CSMD1: variants seen among roughly 807,000 people sequenced by gnomAD.
CSMD1 encodes CUB and sushi domain-containing protein 1.
CSMD1 carries 213 observed loss-of-function variants against 417.5 expected under a neutral mutation model. The ratio of observed to expected loss-of-function variants is 0.51; its 90% CI spans 0.46 to 0.57. The LOEUF (loss-of-function observed/expected upper bound fraction) is 0.57. CSMD1 is among the 20% of genes least tolerant of loss of function. The probability of loss-of-function intolerance (pLI) is 0.00; values close to 1 mark genes in which losing one functional copy is unlikely to be tolerated. For missense variants in CSMD1, 6,923 were observed against 4,529.7 expected, an observed-to-expected ratio of 1.53 and a Z score of -15.17; for synonymous variants, 2,862 against 1,736.8, an observed-to-expected ratio of 1.65 and a Z score of -16.11.
chr8:3,774,348 T>C (rs527723937), intron 5 of CSMD1, among the ~76,000 whole-genome samples: 68 of 152,280 alleles, frequency 4.5e-4, no homozygotes, highest in Admixed American at 2.0e-3. Context: ...TGTTATCATA[T>C]GGCGGTTGTT....
intron 1 of CSMD1, among the ~76,000 whole-genome samples, chr8:4,950,796 A>G (rs1467240516): frequency 2.0e-5 from 3 of 152,140 alleles, no homozygotes; most frequent in Non-Finnish European, 4.4e-5. Flanking sequence ...GACCGTAAGC[A>G]TCACCACTCA....
chr8:4,453,871 G>A (rs1465745218), intron 2 of CSMD1, among the ~76,000 whole-genome samples: 1 of 131,234 alleles, frequency 7.6e-6, no homozygotes, highest in Non-Finnish European at 1.6e-5. Flanking sequence ...ACCCACGCTG[G>A]AGTGCACTGG....
At position 4,042,713 on chromosome 8, in the gene CSMD1, G is replaced by T. The variant is rs1343672958; in HGVS notation, c.416-10614C>A. 2.0e-5 allele frequency among the ~76,000 whole-genome samples: 3 copies of T among 149,180 alleles called. No homozygotes were observed. The Admixed American group carries it at 2.0e-4, about 10-fold the overall frequency. ...ATATTTTAGGTTTCTAACATATGTA[G>T]AAGTGACAGAAATGACAGCAATACC... On this transcript the variant is annotated intron_variant, in intron 3 of 69. Coordinates refer to ENST00000635120, the MANE Select transcript of CSMD1 (RefSeq NM_033225.6).
chr8:4,143,524 G>A (rs1015274329), intron 3 of CSMD1, among the ~76,000 whole-genome samples: 1 of 150,892 alleles, frequency 6.6e-6, no homozygotes, highest in Non-Finnish European at 1.5e-5. Flanking sequence ...TTGATATTAA[G>A]TTTATATCAA....
At chr8:2,971,371 C>G (rs1367857561) in intron 57 of CSMD1, among the ~76,000 whole-genome samples, 1 of 152,184 alleles carries the variant, frequency 6.6e-6, no homozygotes, top group African/African-American at 2.4e-5. Context: ...GAAAGAATCA[C>G]TCAGACGGTG....
At chr8:4,215,480 G>T (rs1008529781) in intron 3 of CSMD1, among the ~76,000 whole-genome samples, 1 of 139,600 alleles carries the variant, frequency 7.2e-6, no homozygotes, top group African/African-American at 2.7e-5. Context: ...AGAATTTGGG[G>T]GCCGGGGTTT....
chr8:3,383,105 AT>A (rs1554532791), intron 18 of CSMD1, among the ~76,000 whole-genome samples: 1 of 24,672 alleles, frequency 4.1e-5, no homozygotes, highest in Admixed American at 4.8e-4. Flanking sequence ...CTTACCACAA[AT>A]CCACAAATTT....
chr8:3,892,127 G>T (rs771316559), intron 5 of CSMD1, among the ~76,000 whole-genome samples: 1 of 104,600 alleles, frequency 9.6e-6, no homozygotes, highest in Non-Finnish European at 2.4e-5. Flanking sequence ...TAAGCTCTAA[G>T]ATAATATCAG....
intron 34 of CSMD1, among the ~76,000 whole-genome samples, 165 bp downstream of exon 34, chr8:3,189,747 T>C (rs1290997934): frequency 7.5e-6 from 1 of 134,112 alleles, no homozygotes; most frequent in African/African-American, 2.5e-5. Flanking sequence ...AACACAATAA[T>C]TTTTAGGGTT....
chr8:4,048,667 G>T (rs995456107), intron 3 of CSMD1, among the ~76,000 whole-genome samples: 12 of 152,150 alleles, frequency 7.9e-5, no homozygotes, highest in African/African-American at 2.7e-4. Flanking sequence ...AACCACAGAG[G>T]AAAGTGTGAT....
chr8:3,607,057 G>C (rs143214047), intron 8 of CSMD1, among the ~76,000 whole-genome samples: 64 of 152,248 alleles, frequency 4.2e-4, no homozygotes, highest in African/African-American at 1.4e-3. Flanking sequence ...ATAATACTCA[G>C]TTTAAGACAC....
At position 2,937,521 on chromosome 8, in the gene CSMD1, A is replaced by G. The variant is rs1801572768; in HGVS notation, c.*1064T>C. 1 of 152,170 alleles carries G rather than the reference A, an allele frequency of 6.6e-6. No homozygotes were observed. The highest frequency in any genetic ancestry group is 2.4e-5 in the African/African-American group (1 of 41,440). The allele number at this position is 152,170 out of a possible 1,614,324, so 9.4% of individuals were successfully genotyped here. A position where few individuals can be genotyped will look rare whatever the true frequency, so the allele number is the denominator to read the frequency against. ...AAACCCACAAGTTCATCGACTATCT[A>G]AAATAAATTACTATTCACAGTTTTA... On this transcript the variant is annotated 3_prime_UTR_variant, in exon 70 of 70. Coordinates refer to ENST00000635120, the MANE Select transcript of CSMD1 (RefSeq NM_033225.6).
chr8:3,468,269 A>T (rs959013270), intron 12 of CSMD1, among the ~76,000 whole-genome samples: 2 of 152,228 alleles, frequency 1.3e-5, no homozygotes, highest in African/African-American at 4.8e-5. Flanking sequence ...TAGCTCAAAA[A>T]CAATGACAGG....
chr8:3,303,080 C>T (rs553523566), intron 25 of CSMD1, among the ~76,000 whole-genome samples: 3 of 152,196 alleles, frequency 2.0e-5, no homozygotes, highest in South Asian at 4.1e-4. Context: ...ATTGTTATTT[C>T]TTTGTATTGT....
At position 3,199,808 on chromosome 8, in the gene CSMD1, C is replaced by A; in HGVS notation, c.5100G>T (p.Gly1700=). 6.4e-7 allele frequency: 1 copy of A among 1,563,454 alleles called. No homozygotes were observed. Among genetic ancestry groups the A allele is most frequent in the East Asian group, 2.4e-5 (1 of 42,370 alleles). ...LLSSLSGSHS[G]ETLPLATSNQ... is the part of the protein sequence containing the mutation. Reference sequence around the variant, plus strand: ...TTGACGTAGCCAAGGGCAATGTTTCCCCTAGAAACGAAAACAGAGACAGAT... The same window carrying A: ...TTGACGTAGCCAAGGGCAATGTTTCACCTAGAAACGAAAACAGAGACAGAT... The change falls in exon 33 of 70, where the codon GGG becomes GGT. Residue 1700 remains glycine, a splice_region_variant and synonymous_variant. Coordinates refer to ENST00000635120, the MANE Select transcript of CSMD1 (RefSeq NM_033225.6).
intron 5 of CSMD1, among the ~76,000 whole-genome samples, chr8:3,890,170 G>T (rs1049224969): frequency 1.3e-5 from 2 of 152,064 alleles, no homozygotes; most frequent in African/African-American, 4.8e-5. Context: ...GTAGCATTTT[G>T]ATAACTAAAG....
At chr8:3,537,405 C>A (rs933596675) in intron 10 of CSMD1, among the ~76,000 whole-genome samples, 11 of 152,110 alleles carry the variant, frequency 7.2e-5, no homozygotes, top group African/African-American at 2.7e-4. Flanking sequence ...ATGCAACAGA[C>A]ACAAATACTA....
intron 1 of CSMD1, among the ~76,000 whole-genome samples, chr8:4,870,837 C>G (rs1802693978): frequency 6.6e-6 from 1 of 152,152 alleles, no homozygotes; most frequent in African/African-American, 2.4e-5. Flanking sequence ...TGGCTCCCCT[C>G]TGCTTCAGAT....
chr8:3,867,849 G>A (rs1489523252), intron 5 of CSMD1, among the ~76,000 whole-genome samples: 2 of 152,218 alleles, frequency 1.3e-5, no homozygotes, highest in South Asian at 4.2e-4. Context: ...TTCCAGGATT[G>A]AAGAAGCATG....
Sources: allele counts gnomAD v4.1 joint callset (sites outside exome capture counted in the v4.1 genomes callset), GRCh38; gene constraint gnomAD v4.1.1; transcripts MANE v1.5; gene names NCBI Gene and HGNC (gene_info 2026-07-23, HGNC 2026-07-21).